The following SH3GL2 variants were observed in gnomAD, a reference collection of about 807,000 sequenced individuals.
SH3GL2 encodes the protein SH3 domain containing GRB2 like 2, endophilin A1, also known as endophilin-A1.
A neutral mutation model predicts 46.0 loss-of-function variants in SH3GL2; 24 were observed. The ratio of observed to expected loss-of-function variants is 0.52; its 90% CI spans 0.38 to 0.73. SH3GL2 has a LOEUF of 0.73. SH3GL2 is among the 30% of genes least tolerant of loss of function. SH3GL2 has a pLI of 0.00. For missense variants in SH3GL2, 413 were observed against 424.2 expected (o/e 0.97, Z 0.23); for synonymous variants, 196 against 147.1 (o/e 1.33, Z -2.40).
At chr9:17,640,669 G>T (rs371839465) in intron 1 of SH3GL2, among the ~76,000 whole-genome samples, 20 of 152,304 alleles carry the variant, frequency 1.3e-4, no homozygotes, top group African/African-American at 4.3e-4. Flanking sequence ...TAGCTTTACT[G>T]TGTTTCTCCA....
chr9:17,706,443 C>G (rs915731367), intron 1 of SH3GL2, among the ~76,000 whole-genome samples: 4 of 152,092 alleles, frequency 2.6e-5, no homozygotes, highest in African/African-American at 7.2e-5. Flanking sequence ...TTGTACCAGG[C>G]TTTTGATTCT....
chr9:17,614,928 C>T (rs1285713940), intron 1 of SH3GL2, among the ~76,000 whole-genome samples: 1 of 152,190 alleles, frequency 6.6e-6, no homozygotes. Flanking sequence ...AAAGGCTCCG[C>T]GACAGCATTT....
At chr9:17,650,756 A>G (rs1223944423) in intron 1 of SH3GL2, among the ~76,000 whole-genome samples, 1 of 152,216 alleles carries the variant, frequency 6.6e-6, no homozygotes, top group Admixed American at 6.5e-5. Context: ...AGTCTTTCCT[A>G]TTGTGAACAT....
intron 1 of SH3GL2, among the ~76,000 whole-genome samples, chr9:17,665,280 C>T (rs1020436897): frequency 5.0e-4 from 76 of 152,240 alleles, no homozygotes; most frequent in African/African-American, 1.8e-3. Flanking sequence ...TGTCAGTTGT[C>T]CCAATAATAA....
At chr9:17,785,389 T>TAC (rs1186282411) in intron 3 of SH3GL2, among the ~76,000 whole-genome samples, 2 of 152,210 alleles carry the variant, frequency 1.3e-5, no homozygotes, top group Non-Finnish European at 2.9e-5. Flanking sequence ...CAGGATGTGC[T>TAC]CTCCTGATAA....
At chr9:17,786,143 A>G (rs530692942) in intron 3 of SH3GL2, among the ~76,000 whole-genome samples, 2 of 152,314 alleles carry the variant, frequency 1.3e-5, no homozygotes, top group South Asian at 2.1e-4. Context: ...ATCCTGCTTC[A>G]TCCAGAACAG....
intron 2 of SH3GL2, among the ~76,000 whole-genome samples, chr9:17,750,545 C>CT (rs1822813615): frequency 2.6e-5 from 4 of 152,082 alleles, no homozygotes; most frequent in Admixed American, 2.6e-4. Context: ...CCCTGCCCAT[C>CT]ATTATTTCTC....
intron 2 of SH3GL2, among the ~76,000 whole-genome samples, chr9:17,760,283 G>A (rs1225115334): frequency 2.6e-5 from 4 of 152,040 alleles, no homozygotes. Context: ...CCTAGTAATA[G>A]CAAACACACA....
intron 3 of SH3GL2, among the ~76,000 whole-genome samples, chr9:17,780,068 A>G (rs191355951): frequency 7.2e-5 from 11 of 152,304 alleles, no homozygotes; most frequent in African/African-American, 2.4e-4. Flanking sequence ...CAGAATGTTT[A>G]GGAGTGAAAT....
intron 1 of SH3GL2, among the ~76,000 whole-genome samples, chr9:17,608,035 T>C (rs538015609): frequency 3.5e-4 from 53 of 152,028 alleles, no homozygotes; most frequent in Non-Finnish European, 5.0e-4. Context: ...CAAATGAAAA[T>C]GGGATCTTTG....
At chr9:17,653,987 G>A (rs1820012192) in intron 1 of SH3GL2, 3 of 264,198 alleles carry the variant, frequency 1.1e-5, no homozygotes, top group Non-Finnish European at 1.8e-5. Context: ...GTTGTGTGCT[G>A]TATTCACACA....
At chr9:17,760,036 C>G (rs1208413334) in intron 2 of SH3GL2, among the ~76,000 whole-genome samples, 2 of 152,098 alleles carry the variant, frequency 1.3e-5, no homozygotes, top group Admixed American at 1.3e-4. Context: ...ATACTAGGAC[C>G]TTCACATATG....
intron 1 of SH3GL2, among the ~76,000 whole-genome samples, chr9:17,718,312 G>T (rs16935925): frequency 6.6e-6 from 1 of 152,008 alleles, no homozygotes; most frequent in African/African-American, 2.4e-5. Context: ...CATTGCCAAC[G>T]ATATGAAAAA....
At chr9:17,606,096 T>TGTTG (rs1818756177) in intron 1 of SH3GL2, among the ~76,000 whole-genome samples, 1 of 151,720 alleles carries the variant, frequency 6.6e-6, no homozygotes, top group African/African-American at 2.4e-5. Flanking sequence ...TTTGTTTGTT[T>TGTTG]GTTTGTTTGT....
At chr9:17,640,452 G>C (rs1374958977) in intron 1 of SH3GL2, among the ~76,000 whole-genome samples, 1 of 151,746 alleles carries the variant, frequency 6.6e-6, no homozygotes, top group Non-Finnish European at 1.5e-5. Context: ...ACAGGTTTAT[G>C]GGACACATTT....
intron 1 of SH3GL2, among the ~76,000 whole-genome samples, chr9:17,704,028 A>G (rs930750719): frequency 2.6e-5 from 4 of 152,072 alleles, no homozygotes; most frequent in South Asian, 2.1e-4. Context: ...ATATGGTTCT[A>G]TACCTAGAAA....
At chr9:17,698,393 A>G (rs1270546850) in intron 1 of SH3GL2, among the ~76,000 whole-genome samples, 1 of 152,176 alleles carries the variant, frequency 6.6e-6, no homozygotes, top group Non-Finnish European at 1.5e-5. Flanking sequence ...CATAACAGAG[A>G]TAGAGTGCCT....
intron 1 of SH3GL2, among the ~76,000 whole-genome samples, chr9:17,644,188 A>G (rs1227107423): frequency 6.6e-6 from 1 of 151,700 alleles, no homozygotes; most frequent in Admixed American, 6.6e-5. Flanking sequence ...TATCCCCTTT[A>G]TATCATTTTT....
chr9:17,793,793 C>T (rs9407882), intron 8 of SH3GL2, among the ~76,000 whole-genome samples: 14,891 of 152,256 alleles, frequency 0.098, 1,441 homozygotes, highest in African/African-American at 0.25. Flanking sequence ...CCTTTGTGGT[C>T]GTAAATCGCC....
Sources: gnomAD v4.1 joint callset for allele counts (sites outside exome capture counted in the v4.1 genomes callset) on GRCh38, gnomAD v4.1.1 for gene constraint, MANE v1.5 for transcripts, NCBI Gene and HGNC (gene_info 2026-07-23, HGNC 2026-07-21) for gene names.